Variants in TTC28 observed in about 807,000 individuals in gnomAD.
TTC28 encodes tetratricopeptide repeat domain 28.
A neutral mutation model predicts 198.0 loss-of-function variants in TTC28; 61 were observed. The ratio of observed to expected loss-of-function variants is 0.31; its 90% CI spans 0.25 to 0.38. TTC28 has a LOEUF of 0.38. Ranked by LOEUF, TTC28 falls within the 10% of genes least tolerant of loss-of-function variation. TTC28 has a pLI of 1.00. For synonymous variants in TTC28, 1,171 were observed against 1,297.8 expected (o/e 0.90, Z 2.10); for missense variants, 2,678 against 3,164.0 (o/e 0.85, Z 3.69).
intron 1 of TTC28, among the ~76,000 whole-genome samples, chr22:28,632,801 A>T (rs2051200837): frequency 6.6e-6 from 1 of 151,710 alleles, no homozygotes; most frequent in South Asian, 2.1e-4. Context: ...GAAGAATCCT[A>T]CTATTACAGT....
chr22:28,131,595 A>C (rs993758877), intron 6 of TTC28, among the ~76,000 whole-genome samples: 2 of 152,200 alleles, frequency 1.3e-5, no homozygotes, highest in African/African-American at 2.4e-5. Flanking sequence ...GTTTTTACTG[A>C]ATGTATCACT....
At chr22:28,197,640 T>C (rs1925510383) in intron 5 of TTC28, among the ~76,000 whole-genome samples, 1 of 152,002 alleles carries the variant, frequency 6.6e-6, no homozygotes, top group Non-Finnish European at 1.5e-5. Context: ...AACACGAAAA[T>C]ATTGTTAAGA....
intron 1 of TTC28, among the ~76,000 whole-genome samples, chr22:28,672,200 C>T (rs936670375): frequency 4.6e-5 from 7 of 152,000 alleles, no homozygotes; most frequent in Non-Finnish European, 7.4e-5. Context: ...TGTTTTGAGA[C>T]GGAGTCTTAC....
chr22:28,558,273 A>T (rs1198118654), intron 2 of TTC28, among the ~76,000 whole-genome samples: 2 of 152,256 alleles, frequency 1.3e-5, no homozygotes, highest in Non-Finnish European at 2.9e-5. Flanking sequence ...TGTTATTCAG[A>T]GTTCATTTAC....
intron 2 of TTC28, among the ~76,000 whole-genome samples, chr22:28,528,016 C>G (rs2049043231): frequency 6.6e-6 from 1 of 152,208 alleles, no homozygotes; most frequent in African/African-American, 2.4e-5. Flanking sequence ...ACAGCCCCAT[C>G]ATGGGAGGCC....
chr22:28,410,555 A>G (rs1442452078), intron 2 of TTC28, among the ~76,000 whole-genome samples: 2 of 152,234 alleles, frequency 1.3e-5, no homozygotes, highest in East Asian at 3.8e-4. Context: ...CGTGTGAGAG[A>G]GAAGAGGAAA....
intron 2 of TTC28, among the ~76,000 whole-genome samples, chr22:28,380,436 C>T (rs2046477313): frequency 6.6e-6 from 1 of 152,018 alleles, no homozygotes; most frequent in Non-Finnish European, 1.5e-5. Context: ...GAAACAAATC[C>T]CAAAATAATC....
intron 2 of TTC28, among the ~76,000 whole-genome samples, chr22:28,579,097 T>C (rs1012503419): frequency 6.6e-6 from 1 of 151,560 alleles, no homozygotes; most frequent in African/African-American, 2.4e-5. Flanking sequence ...TACATATAGC[T>C]ATATATATGT....
chr22:28,579,137 T>C (rs982120137), intron 2 of TTC28, among the ~76,000 whole-genome samples: 2 of 150,680 alleles, frequency 1.3e-5, no homozygotes, highest in Non-Finnish European at 3.0e-5. Flanking sequence ...CATATAGCCA[T>C]ATATGTATAT....
intron 5 of TTC28, among the ~76,000 whole-genome samples, chr22:28,167,223 C>G (rs971728100): frequency 5.9e-5 from 9 of 152,204 alleles, no homozygotes; most frequent in Non-Finnish European, 1.0e-4. Context: ...GATGGATTCA[C>G]AGCCAAATTC....
chr22:28,546,978 G>C (rs1249114250), intron 2 of TTC28, among the ~76,000 whole-genome samples: 2 of 152,168 alleles, frequency 1.3e-5, no homozygotes, highest in South Asian at 2.1e-4. Context: ...TAGGGACACA[G>C]GGATGGAGTG....
Position 28,677,766 on chromosome 22 carries a change from C to G in TTC28, c.102+1856G>C, listed in dbSNP as rs575833296. Among the ~76,000 whole-genome samples, 3 of 152,068 alleles carry G rather than the reference C, an allele frequency of 2.0e-5. No individual in the cohort carries two copies. In the East Asian group the frequency reaches 5.8e-4, roughly 29 times the overall value. Reference sequence around the variant, plus strand: ...CAGCCTGGGCAACACAGTGAAACCTCCTCTCTACTAAAAATACATAAATTA... The same window carrying G: ...CAGCCTGGGCAACACAGTGAAACCTGCTCTCTACTAAAAATACATAAATTA... On this transcript the variant is annotated intron_variant, in intron 1 of 22. Coordinates refer to ENST00000397906, the MANE Select transcript of TTC28 (RefSeq NM_001145418.2).
intron 2 of TTC28, among the ~76,000 whole-genome samples, chr22:28,343,873 A>C (rs2045869416): frequency 6.6e-6 from 1 of 152,142 alleles, no homozygotes; most frequent in Non-Finnish European, 1.5e-5. Context: ...TGGTATTTTC[A>C]ATTTCCTTGG....
chr22:28,591,541 G>A (rs2050435823), intron 2 of TTC28, among the ~76,000 whole-genome samples: 1 of 152,076 alleles, frequency 6.6e-6, no homozygotes, highest in South Asian at 2.1e-4. Flanking sequence ...TAGAGATTCT[G>A]AGACTCAATT....
chr22:28,127,193 A>C (rs1942937746), intron 6 of TTC28, among the ~76,000 whole-genome samples: 1 of 152,228 alleles, frequency 6.6e-6, no homozygotes. Context: ...TACAGACAAG[A>C]CTGGGCCTTG....
intron 12 of TTC28, among the ~76,000 whole-genome samples, chr22:28,085,871 G>T (rs1019606007): frequency 2.0e-5 from 3 of 152,082 alleles, no homozygotes; most frequent in African/African-American, 7.2e-5. Flanking sequence ...CCTGGTCTCT[G>T]ATAAAACAGA....
Position 27,998,477 on chromosome 22 carries a change from C to T in TTC28, c.5119+63G>A, listed in dbSNP as rs1324871857. On this transcript the variant is annotated intron_variant, in intron 16 of 22. Transcript: ENST00000397906. ...CCCAACCCCACTGGCAGAATAAAGT[C>T]GGGGGGCTGTGAGGACTGAGCCCCA... 4.7e-6 allele frequency: 7 copies of T among 1,492,446 alleles called. No homozygotes were observed. In the East Asian group the frequency reaches 1.2e-4, roughly 26 times the overall value. 92.5% of individuals were successfully genotyped at this position (1,492,446 alleles called of 1,614,324 possible).
At chr22:28,182,579 T>G (rs1214867679) in intron 5 of TTC28, among the ~76,000 whole-genome samples, 1 of 151,966 alleles carries the variant, frequency 6.6e-6, no homozygotes, top group East Asian at 1.9e-4. Flanking sequence ...TTTAGAGAAT[T>G]AAGAAACAAC....
chr22:28,229,924 G>A (rs1020911546), intron 5 of TTC28, among the ~76,000 whole-genome samples: 1 of 152,040 alleles, frequency 6.6e-6, no homozygotes, highest in African/African-American at 2.4e-5. Flanking sequence ...TCTAAAAAGG[G>A]CAAAATTCCA....
Sources: allele counts gnomAD v4.1 joint callset (sites outside exome capture counted in the v4.1 genomes callset), GRCh38; gene constraint gnomAD v4.1.1; transcripts MANE v1.5; gene names NCBI Gene and HGNC (gene_info 2026-07-23, HGNC 2026-07-21).